LAMB4: variants seen among roughly 807,000 people sequenced by gnomAD.
LAMB4 encodes the protein laminin subunit beta 4.
LAMB4 carries 196 observed loss-of-function variants against 199.2 expected under a neutral mutation model. The observed-to-expected ratio is 0.98, with a 90% CI of 0.88 to 1.11. The LOEUF (loss-of-function observed/expected upper bound fraction) is 1.11. Among genes scored for constraint, LAMB4 ranks in the 50% least tolerant of loss-of-function variants. The pLI is 0.00. For synonymous variants in LAMB4, 744 were observed against 770.6 expected, an observed-to-expected ratio of 0.97 and a Z score of 0.57; for missense variants, 2,080 against 2,171.2, an observed-to-expected ratio of 0.96 and a Z score of 0.83.
chr7:108,030,868 GGTCTTGAT>G lies in LAMB4; in HGVS notation c.4922_4929del (p.His1641ProfsTer10). 3.1e-6 allele frequency: 5 copies of G among 1,614,110 alleles called. No homozygotes were observed. The highest frequency in any genetic ancestry group is 4.2e-6 in the Non-Finnish European group (5 of 1,179,998). On this transcript the variant is annotated frameshift_variant, in exon 32 of 34. Coordinates refer to ENST00000388781, the MANE Select transcript of LAMB4 (RefSeq NM_007356.3). LOFTEE classifies it high-confidence loss of function. ...GCCTGAACTTTCGCATTGACAGCGT[GGTCTTGAT>G]GCCTTTGCAACTTGGTCTGCAGCAG...
intron 15 of LAMB4, 88 bp downstream of exon 15, chr7:108,079,513 A>G (rs1584700517): frequency 9.1e-7 from 1 of 1,099,260 alleles, no homozygotes; most frequent in African/African-American, 1.6e-5. Context: ...TTTCTGATGA[A>G]CCTATTCTAG....
chr7:108,037,729 T>C (rs2150499947), intron 29 of LAMB4, 134 bp from the exon 30 acceptor site: 1 of 658,980 alleles, frequency 1.5e-6, no homozygotes, highest in South Asian at 1.9e-5. Flanking sequence ...AGGGATTAGA[T>C]TGTAGCTTCC....
At chr7:108,063,535 A>G (rs1028977479) in intron 22 of LAMB4, among the ~76,000 whole-genome samples, 2 of 152,228 alleles carry the variant, frequency 1.3e-5, no homozygotes, top group Non-Finnish European at 2.9e-5. Flanking sequence ...CACAAAAGGC[A>G]AACTAATAAC....
At chr7:108,018,405 G>A in the LAMB4 span, among the ~76,000 whole-genome samples, 1 of 152,172 alleles carries the variant, frequency 6.6e-6, no homozygotes, top group Non-Finnish European at 1.5e-5. Flanking sequence ...GGGTTGTCGT[G>A]GCTGGTTGTA....
At chr7:108,032,477 G>A (rs1428601309) in intron 31 of LAMB4, among the ~76,000 whole-genome samples, 3 of 152,110 alleles carry the variant, frequency 2.0e-5, no homozygotes, top group Non-Finnish European at 4.4e-5. Context: ...TTTTAAGGTT[G>A]TTCCTTTGGA....
At chr7:108,124,936 C>G (rs1157130238) in intron 1 of LAMB4, among the ~76,000 whole-genome samples, 1 of 152,130 alleles carries the variant, frequency 6.6e-6, no homozygotes, top group Non-Finnish European at 1.5e-5. Flanking sequence ...TGTCAGCCTC[C>G]CTATGAAGTC....
Position 108,116,151 on chromosome 7 carries a change from A to G in LAMB4, c.45T>C (p.Ser15=), listed in dbSNP as rs775521193. The G allele has an allele frequency of 1.2e-6, 2 of 1,613,898 alleles. No individual in the cohort carries two copies. The highest frequency in any genetic ancestry group is 2.2e-5 in the South Asian group (2 of 91,052). ...LTLFLHLGWL[S]YSKAQDDCNR... is the part of the protein sequence containing the mutation. ...TGCAGTCATCTTGAGCTTTTGAGTA[A>G]CTGAGCCACCCTTGAACACAACAGA... Residue 15 remains serine, a synonymous_variant, in exon 3 of 34, where the codon AGT becomes AGC. Coordinates refer to ENST00000388781, the MANE Select transcript of LAMB4 (RefSeq NM_007356.3).
intron 16 of LAMB4, among the ~76,000 whole-genome samples, chr7:108,077,277 A>G (rs1416910136): frequency 1.3e-5 from 2 of 152,312 alleles, no homozygotes; most frequent in East Asian, 1.9e-4. Flanking sequence ...GATTGTGCCA[A>G]GTAGCAAAGT....
chr7:108,106,215 C>T (rs1007966103), intron 7 of LAMB4, among the ~76,000 whole-genome samples, 184 bp from the exon 8 acceptor site: 2 of 151,978 alleles, frequency 1.3e-5, no homozygotes, highest in African/African-American at 4.8e-5. Context: ...CTCAAGAGTT[C>T]AAGACCAGAC....
At chr7:108,106,264 A>G (rs1327679378) in intron 7 of LAMB4, among the ~76,000 whole-genome samples, 1 of 152,056 alleles carries the variant, frequency 6.6e-6, no homozygotes, top group Non-Finnish European at 1.5e-5. Flanking sequence ...CATAAAATAC[A>G]AAAATTAGCT....
At chr7:108,105,172 T>G (rs2037957337) in intron 8 of LAMB4, among the ~76,000 whole-genome samples, 1 of 152,208 alleles carries the variant, frequency 6.6e-6, no homozygotes, top group Non-Finnish European at 1.5e-5. Flanking sequence ...AGTTGACATT[T>G]ATTTAGTAGA....
At position 108,065,872 on chromosome 7, in the gene LAMB4, C is replaced by G. The variant is rs146445677; in HGVS notation, c.2726G>C (p.Arg909Pro). The G allele has an allele frequency of 9.3e-6, 15 of 1,613,946 alleles. No homozygotes were observed. The Admixed American group carries it at 2.3e-4, about 25-fold the overall frequency. Residue 909 changes from arginine to proline, a missense_variant, in exon 21 of 34, where the codon CGT (arginine) becomes CCT (proline). By Grantham distance (103) the Arg-to-Pro change is moderately radical. Transcript: ENST00000388781. The stretch of plus-strand genomic sequence containing the variant: ...GGGATCATCTGGACACAGGCAAGGA[C>G]GACAGGGCTGTCCTGAAGAAGGATT... ...YGNPSSGQPC[R>P]PCLCPDDPSS...
chr7:108,042,194 A>G (rs1458440585), intron 29 of LAMB4, among the ~76,000 whole-genome samples: 1 of 152,138 alleles, frequency 6.6e-6, no homozygotes, highest in Admixed American at 6.6e-5. Context: ...CTTCCTGGTC[A>G]CCAGGGCTCT....
chr7:108,043,363 G>A (rs1324371707), intron 29 of LAMB4, among the ~76,000 whole-genome samples: 1 of 151,718 alleles, frequency 6.6e-6, no homozygotes, highest in Non-Finnish European at 1.5e-5. Context: ...CATGTGTTTG[G>A]AATTTTAACT....
rs1340845504 is a variant in LAMB4, at chr7:108,104,540, G to A, written c.950C>T (p.Pro317Leu). The A allele has an allele frequency of 6.2e-7, 1 of 1,614,218 alleles. No homozygotes were observed. Among genetic ancestry groups the A allele is most frequent in the East Asian group, 2.2e-5 (1 of 44,890 alleles). The change falls in exon 9 of 34, where the codon CCT becomes CTT. Residue 317 changes from proline (P) to leucine (L), a missense_variant. Transcript: ENST00000388781. ...ERCKDFFQDA[P>L]WRPAADLQDN... is the part of the protein sequence containing the mutation. ...CTGGAGGTCTGCAGCTGGCCTCCAA[G>A]GAGCATCCTGGAAGAAGTCCTTGCA...
chr7:108,055,674 G>A lies in LAMB4; in HGVS notation c.3713C>T (p.Ser1238Phe), dbSNP rs1243909778. 6.2e-7 allele frequency: 1 copy of A among 1,613,648 alleles called. No homozygotes were observed. The highest frequency in any genetic ancestry group is 8.5e-7 in the Non-Finnish European group (1 of 1,179,628). The change falls in exon 25 of 34, where the codon TCT becomes TTT. Residue 1238 changes from serine to phenylalanine, a missense_variant. Ser to Phe is a radical substitution (Grantham distance 155). Coordinates refer to ENST00000388781, the MANE Select transcript of LAMB4 (RefSeq NM_007356.3). Reference protein sequence around the residue: ...ERILKHPVFPSGKFLKVKDYH... With the variant: ...ERILKHPVFPFGKFLKVKDYH... Reference sequence around the variant, plus strand: ...ATCCTTGACTTTTAAGAATTTCCCAGATGGGAAAACAGGATGTTTCAAAAT... The same window carrying A: ...ATCCTTGACTTTTAAGAATTTCCCAAATGGGAAAACAGGATGTTTCAAAAT...
intron 15 of LAMB4, 134 bp downstream of exon 15, chr7:108,079,467 A>G: frequency 1.4e-6 from 1 of 731,732 alleles, no homozygotes; most frequent in South Asian, 2.3e-5. Flanking sequence ...CCCTTGGTTT[A>G]TAATGCTCCC....
chr7:108,022,626 C>T (rs148971354), downstream of LAMB4, among the ~76,000 whole-genome samples: 5 of 152,092 alleles, frequency 3.3e-5, no homozygotes, highest in African/African-American at 1.2e-4. Flanking sequence ...GATATGTGAA[C>T]CATTGTAATT....
intron 26 of LAMB4, among the ~76,000 whole-genome samples, chr7:108,049,755 G>A (rs556331642): frequency 1.2e-4 from 18 of 152,318 alleles, no homozygotes; most frequent in African/African-American, 3.6e-4. Context: ...TAAGTCCACA[G>A]ATGTGGTGTG....
Sources: gnomAD v4.1 joint callset for allele counts (sites outside exome capture counted in the v4.1 genomes callset) on GRCh38, gnomAD v4.1.1 for gene constraint, MANE v1.5 for transcripts, NCBI Gene and HGNC (gene_info 2026-07-23, HGNC 2026-07-21) for gene names.